The following PRKG1 variants were observed in gnomAD, a reference collection of about 807,000 sequenced individuals.
PRKG1 encodes the protein cGMP-dependent protein kinase 1.
A neutral mutation model predicts 88.1 loss-of-function variants in PRKG1; 35 were observed. The ratio of observed to expected loss-of-function variants is 0.40; its 90% CI spans 0.30 to 0.53. The LOEUF (loss-of-function observed/expected upper bound fraction) is 0.53, where lower values mean the gene tolerates loss of function less well. PRKG1 is among the 20% of genes least tolerant of loss of function. The pLI, the probability that PRKG1 is intolerant of heterozygous loss-of-function variation, is 0.59. For synonymous variants in PRKG1, 303 were observed against 292.5 expected (o/e 1.04, Z -0.37); for missense variants, 540 against 839.8 (o/e 0.64, Z 4.41).
chr10:51,291,744 C>A (rs1229372277), intron 2 of PRKG1, among the ~76,000 whole-genome samples: 1 of 152,152 alleles, frequency 6.6e-6, no homozygotes, highest in Non-Finnish European at 1.5e-5. Flanking sequence ...TATGAAAATA[C>A]AGCTTCTTAG....
In PRKG1 at chr10:51,943,757, TATTG is replaced by T. The variant is rs1203665776; in HGVS notation, c.762+36191_762+36194del. 1.4e-4 allele frequency among the ~76,000 whole-genome samples: 21 copies of T among 152,194 alleles called. No individual in the cohort carries two copies. The East Asian group carries it at 3.7e-3, about 27-fold the overall frequency. ...TTCTGTTTATATGCTGGATTACATTTATTGATTTGCATATATTGAACCAGCCTTG... is the reference window on the plus strand; with the variant it reads ...TTCTGTTTATATGCTGGATTACATTTATTTGCATATATTGAACCAGCCTTG... On this transcript the variant is annotated intron_variant, in intron 5 of 17. Transcript: ENST00000373980.
At chr10:51,502,751 T>TGC (rs1360938528) in intron 3 of PRKG1, among the ~76,000 whole-genome samples, 5 of 152,174 alleles carry the variant, frequency 3.3e-5, no homozygotes, top group African/African-American at 1.2e-4. Flanking sequence ...GCAGATGGTA[T>TGC]ATCATGCATT....
rs1837951822 is a variant in PRKG1 at position 52,152,328 on chromosome 10, C to A, written c.1002-9561C>A. Among the ~76,000 whole-genome samples the A allele has an allele frequency of 2.6e-5, 4 of 152,030 alleles. No individual in the cohort carries two copies. The South Asian group carries it at 6.2e-4, about 24-fold the overall frequency. ...ACTGATAAAGAAGCTAGACTAGGTG[C>A]CTGATCTCATGAAATGTACATTTTG... On this transcript the variant is annotated intron_variant, in intron 8 of 17. Transcript: ENST00000373980.
At chr10:51,096,893 T>C (rs961192745) in intron 1 of PRKG1, among the ~76,000 whole-genome samples, 14 of 152,178 alleles carry the variant, frequency 9.2e-5, no homozygotes, top group African/African-American at 3.4e-4. Context: ...AGAGGGTAGA[T>C]GCCAGGGATG....
intron 1 of PRKG1, among the ~76,000 whole-genome samples, chr10:50,994,700 C>A (rs1044809608): frequency 2.0e-5 from 3 of 151,808 alleles, no homozygotes. Context: ...TATCAAAATA[C>A]CCAGTTTTTA....
intron 1 of PRKG1, among the ~76,000 whole-genome samples, chr10:51,047,067 A>G (rs945375026): frequency 6.6e-6 from 1 of 152,232 alleles, no homozygotes; most frequent in African/African-American, 2.4e-5. Context: ...TAAAGAAAAC[A>G]GTGAAAGGGA....
At chr10:51,084,431 T>C (rs1735929043) in intron 1 of PRKG1, among the ~76,000 whole-genome samples, 1 of 152,100 alleles carries the variant, frequency 6.6e-6, no homozygotes, top group South Asian at 2.1e-4. Context: ...TAGTGACAAT[T>C]TACTACCAAG....
intron 9 of PRKG1, among the ~76,000 whole-genome samples, chr10:52,185,913 A>G (rs1839188863): frequency 2.0e-5 from 3 of 152,310 alleles, no homozygotes; most frequent in South Asian, 4.1e-4. Flanking sequence ...ACAGGGTAGC[A>G]GAGACCTGGG....
chr10:52,276,356 T>C (rs148828569), intron 12 of PRKG1, among the ~76,000 whole-genome samples: 86 of 152,248 alleles, frequency 5.6e-4, no homozygotes, highest in Non-Finnish European at 1.0e-3. Flanking sequence ...TCTGCACAGA[T>C]TGCAACATAC....
chr10:52,154,661 C>T (rs1457712505), intron 8 of PRKG1, among the ~76,000 whole-genome samples: 1 of 151,930 alleles, frequency 6.6e-6, no homozygotes, highest in Non-Finnish European at 1.5e-5. Context: ...CTTTTTATTT[C>T]AATATTTTTG....
chr10:52,221,028 G>A (rs1840232255), intron 9 of PRKG1, among the ~76,000 whole-genome samples: 1 of 151,938 alleles, frequency 6.6e-6, no homozygotes, highest in African/African-American at 2.4e-5. Flanking sequence ...CAGTGTATAA[G>A]CATTCCTGTT....
rs974299124 is a variant in PRKG1, at chr10:51,557,840, G to A, written c.592+90004G>A. The stretch of plus-strand genomic sequence containing the variant: ...CCTCTGTGGGTGGGGCTGAGAGGAT[G>A]GATTTACATGAGGATCCTGAATGAT... On this transcript the variant is annotated intron_variant, in intron 3 of 17. Coordinates refer to ENST00000373980, the MANE Select transcript of PRKG1 (RefSeq NM_006258.4). 3.9e-5 allele frequency among the ~76,000 whole-genome samples: 6 copies of A among 151,972 alleles called. No homozygotes were observed. The South Asian group carries it at 1.2e-3, about 32-fold the overall frequency.
chr10:51,450,744 C>G (rs1160706987), intron 2 of PRKG1, among the ~76,000 whole-genome samples: 1 of 151,680 alleles, frequency 6.6e-6, no homozygotes, highest in East Asian at 1.9e-4. Flanking sequence ...GATACTTAGA[C>G]TGACCTAAGA....
intron 2 of PRKG1, chr10:51,245,284 C>A (rs966114266): frequency 5.3e-5 from 8 of 152,078 alleles, no homozygotes; most frequent in African/African-American, 1.9e-4. Flanking sequence ...AATCATATAA[C>A]AACATCTGGG....
chr10:52,162,921 G>T (rs1187769074), intron 9 of PRKG1, among the ~76,000 whole-genome samples: 1 of 152,184 alleles, frequency 6.6e-6, no homozygotes, highest in East Asian at 1.9e-4. Context: ...AGTTACACAG[G>T]CCAGTTGTAA....
At chr10:51,545,808 A>G (rs7086762) in intron 3 of PRKG1, among the ~76,000 whole-genome samples, 113,529 of 151,858 alleles carry the variant, frequency 0.75, 42,997 homozygotes, top group East Asian at 0.98. Flanking sequence ...ATGGATAGTT[A>G]CAAGAAAGAA....
intron 3 of PRKG1, among the ~76,000 whole-genome samples, chr10:51,640,188 TG>T (rs1839762631): frequency 6.6e-6 from 1 of 152,114 alleles, no homozygotes; most frequent in African/African-American, 2.4e-5. Flanking sequence ...ACATGGTAGA[TG>T]GGGGGAAATG....
At chr10:51,480,694 T>G (rs1181436220) in intron 3 of PRKG1, among the ~76,000 whole-genome samples, 1 of 152,196 alleles carries the variant, frequency 6.6e-6, no homozygotes, top group Non-Finnish European at 1.5e-5. Flanking sequence ...CATTTTATTT[T>G]TAATAACAGT....
chr10:51,863,664 G>C (rs1840942838), intron 4 of PRKG1, among the ~76,000 whole-genome samples: 1 of 151,960 alleles, frequency 6.6e-6, no homozygotes, highest in Non-Finnish European at 1.5e-5. Context: ...CCCTTTCTTT[G>C]CCCTTCCACC....
Sources: allele counts gnomAD v4.1 joint callset (sites outside exome capture counted in the v4.1 genomes callset), GRCh38; gene constraint gnomAD v4.1.1; transcripts MANE v1.5; gene names NCBI Gene and HGNC (gene_info 2026-07-23, HGNC 2026-07-21).